TTK: variants seen among roughly 807,000 people sequenced by gnomAD.
The protein encoded by TTK is dual specificity protein kinase TTK.
TTK carries 59 observed loss-of-function variants against 117.3 expected under a neutral mutation model. The observed-to-expected ratio is 0.50, with a 90% CI of 0.41 to 0.62. The LOEUF is 0.62. Ranked by LOEUF, TTK falls within the 20% of genes least tolerant of loss-of-function variation. The pLI is 0.00. For missense variants in TTK, 921 were observed against 989.4 expected (o/e 0.93, Z 0.93); for synonymous variants, 302 against 325.0 (o/e 0.93, Z 0.76).
chr6:80,033,239 A>G (rs1767805652), intron 14 of TTK, among the ~76,000 whole-genome samples: 1 of 152,116 alleles, frequency 6.6e-6, no homozygotes, highest in Non-Finnish European at 1.5e-5. Flanking sequence ...GTCTTTCTGT[A>G]TTTAGCCTAT....
intron 21 of TTK, 83 bp from the exon 22 acceptor site, chr6:80,042,036 A>G: frequency 1.4e-6 from 1 of 695,080 alleles, no homozygotes; most frequent in Non-Finnish European, 2.3e-6. Flanking sequence ...TATTATATTT[A>G]GAATACATCA....
chr6:80,036,598 A>G lies in TTK; in HGVS notation c.2048A>G (p.Gln683Arg). The G allele has an allele frequency of 6.2e-7, 1 of 1,606,352 alleles. No homozygotes were observed. The highest frequency in any genetic ancestry group is 1.1e-5 in the South Asian group (1 of 89,506). The change falls in exon 17 of 22, where the codon CAG (glutamine) becomes CGG (arginine). Residue 683 changes from glutamine (Q) to arginine (R), a missense_variant and splice_region_variant. Gln to Arg is a conservative substitution (Grantham distance 43, BLOSUM62 1). Coordinates refer to ENST00000369798, the MANE Select transcript of TTK (RefSeq NM_003318.5). ...PDTTSVVKDS[Q>R]VGTVNYMPPE... Reference sequence around the variant, plus strand: ...ACAACAAGTGTTGTTAAAGATTCTCAGGTAAGACTTAATGTTGGTTCTCTC... The same window carrying G: ...ACAACAAGTGTTGTTAAAGATTCTCGGGTAAGACTTAATGTTGGTTCTCTC...
intron 10 of TTK, among the ~76,000 whole-genome samples, chr6:80,016,622 T>A (rs558339688): frequency 6.6e-6 from 1 of 152,294 alleles, no homozygotes; most frequent in East Asian, 1.9e-4. Flanking sequence ...TAGATATAAA[T>A]CATTTGTTGG....
chr6:80,011,616 A>G, intron 6 of TTK, 68 bp downstream of exon 6: 2 of 1,532,664 alleles, frequency 1.3e-6, no homozygotes, highest in Admixed American at 1.8e-5. Context: ...TTTTAATGTA[A>G]TTACATGTAT....
intron 8 of TTK, among the ~76,000 whole-genome samples, chr6:80,012,552 T>A (rs1767189292): frequency 6.6e-6 from 1 of 152,006 alleles, no homozygotes; most frequent in African/African-American, 2.4e-5. Flanking sequence ...AAAGGAGAGT[T>A]ATTTTGGCCT....
rs1286546879 is a variant in TTK, at chr6:80,039,741, T to C, written c.2176T>C (p.Tyr726His). 2 of 1,589,826 alleles carry C rather than the reference T, an allele frequency of 1.3e-6. No individual in the cohort carries two copies. Among genetic ancestry groups the C allele is most frequent in the Admixed American group, 3.5e-5 (2 of 56,532 alleles). ...DVWSLGCILY[Y>H]MTYGKTPFQQ... ...TTGGTCCTTAGGATGTATTTTGTAC[T>C]ATATGACTTACGGGAAAACACCATT... Residue 726 changes from tyrosine to histidine, a missense_variant, in exon 19 of 22, where the codon TAT becomes CAT. Coordinates refer to ENST00000369798, the MANE Select transcript of TTK (RefSeq NM_003318.5).
rs398048650 is a variant in TTK, at chr6:80,018,626, C to CAA, written c.1109-3677_1109-3676dup. On this transcript the variant is annotated intron_variant, in intron 10 of 21. Transcript: ENST00000369798. ...TGGGCAATAGAGCGAGACTCCGTCT[C>CAA]AAAAAAAAAAAAAAAAAAAAAATAT... Among the ~76,000 whole-genome samples the CAA allele has an allele frequency of 2.7e-3, 238 of 87,062 alleles. 1 individual carries two copies. Among genetic ancestry groups the CAA allele is most frequent in the Non-Finnish European group, 5.2e-3 (216 of 41,658 alleles). The allele number at this position is 87,062 out of a possible 152,430, so 57.1% of individuals were successfully genotyped here.
At position 80,014,617 on chromosome 6, in the gene TTK, G is replaced by A. The variant is rs762082193; in HGVS notation, c.1108+31G>A. 4 of 1,553,142 alleles carry A rather than the reference G, an allele frequency of 2.6e-6. No homozygotes were observed. In the South Asian group the frequency reaches 5.1e-5, roughly 20 times the overall value. On this transcript the variant is annotated intron_variant, in intron 10 of 21. Coordinates refer to ENST00000369798, the MANE Select transcript of TTK (RefSeq NM_003318.5). Reference sequence around the variant, plus strand: ...AGTAACAAAATCAGTAGACTTGTATGTTTAGTTAAGAAAACCACTTGATAG... The same window carrying A: ...AGTAACAAAATCAGTAGACTTGTATATTTAGTTAAGAAAACCACTTGATAG...
rs923040563 is a variant in TTK, at chr6:80,007,911, A to T, written c.242A>T (p.Asp81Val). Reference protein sequence around the residue: ...KLEKNSVPLSDALLNKLIGRY... With the variant: ...KLEKNSVPLSVALLNKLIGRY... ...GAGAAAAACAGTGTTCCGCTAAGTG[A>T]TGCTCTTTTAAATAAATTGATTGGT... Residue 81 changes from aspartate to valine, a missense_variant, in exon 3 of 22, where the codon GAT becomes GTT. By Grantham distance (152) the Asp-to-Val change is radical. Transcript: ENST00000369798. 1 of 1,613,512 alleles carries T rather than the reference A, an allele frequency of 6.2e-7. No individual in the cohort carries two copies. Among genetic ancestry groups the T allele is most frequent in the African/African-American group, 1.3e-5 (1 of 74,894 alleles).
At position 80,028,021 on chromosome 6, in the gene TTK, G is replaced by A. The variant is rs145273230; in HGVS notation, c.1521+10G>A. On this transcript the variant is annotated intron_variant, in intron 13 of 21. Transcript: ENST00000369798. ...ACTTCAAAATTTACAGGTTCGATAA[G>A]CTTTATATATGATGGTATATGTTAA... The A allele has an allele frequency of 1.9e-6, 3 of 1,588,738 alleles. No individual in the cohort carries two copies. The highest frequency in any genetic ancestry group is 4.6e-5 in the East Asian group (2 of 43,804).
At chr6:80,006,089 C>T (rs1766987234) in intron 2 of TTK, 107 bp downstream of exon 2, 2 of 1,419,496 alleles carry the variant, frequency 1.4e-6, no homozygotes, top group African/African-American at 1.4e-5. Context: ...TGTTTATTGT[C>T]TTTCTCCTCC....
chr6:80,017,365 C>A (rs1356727009), intron 10 of TTK, among the ~76,000 whole-genome samples: 1 of 152,146 alleles, frequency 6.6e-6, no homozygotes, highest in Non-Finnish European at 1.5e-5. Context: ...GCAACCTCCG[C>A]CTCCTGGGCA....
Position 80,006,057 on chromosome 6 carries a change from CTTTA to C in TTK, c.139+81_139+84del, listed in dbSNP as rs781222884. ...TAAGGTAAAGATATAGTACTAATCACTTTATTTATAATTTACTCATGTGTTTATT... is the reference window on the plus strand; with the variant it reads ...TAAGGTAAAGATATAGTACTAATCACTTTATAATTTACTCATGTGTTTATT... On this transcript the variant is annotated intron_variant, in intron 2 of 21. Coordinates refer to ENST00000369798, the MANE Select transcript of TTK (RefSeq NM_003318.5). The C allele has an allele frequency of 5.9e-6, 9 of 1,519,872 alleles. No individual in the cohort carries two copies. The South Asian group carries it at 7.1e-5, about 12-fold the overall frequency. 94.1% of individuals were successfully genotyped at this position (1,519,872 alleles called of 1,614,324 possible). A position where few individuals can be genotyped will look rare whatever the true frequency, so the allele number is the denominator to read the frequency against.
Position 80,037,976 on chromosome 6 carries a change from G to A in TTK, c.2059G>A (p.Val687Ile), listed in dbSNP as rs749303494. The A allele has an allele frequency of 1.2e-6, 2 of 1,607,486 alleles. No individual in the cohort carries two copies. Among genetic ancestry groups the A allele is most frequent in the East Asian group, 2.2e-5 (1 of 44,664 alleles). ...CTGACTTGGCATATAGGTTGGCACA[G>A]TTAATTATATGCCACCAGAAGCAAT... ...SVVKDSQVGT[V>I]NYMPPEAIKD... is the part of the protein sequence containing the mutation. The change falls in exon 18 of 22, where the codon GTT becomes ATT. Residue 687 changes from valine to isoleucine, a missense_variant. Transcript: ENST00000369798.
chr6:80,041,028 A>G (rs1216050918), intron 21 of TTK, among the ~76,000 whole-genome samples: 2 of 151,720 alleles, frequency 1.3e-5, no homozygotes, highest in African/African-American at 2.4e-5. Context: ...CAGCTTTTGA[A>G]TTCATTCCTT....
chr6:80,033,425 A>G (rs1336016520), intron 14 of TTK, among the ~76,000 whole-genome samples: 1 of 151,930 alleles, frequency 6.6e-6, no homozygotes, highest in African/African-American at 2.4e-5. Context: ...ACCTTCTAAC[A>G]TGTTCTGTAA....
intron 11 of TTK, 122 bp from the exon 12 acceptor site, chr6:80,026,252 CTCTT>C: frequency 2.1e-6 from 2 of 965,352 alleles, no homozygotes; most frequent in South Asian, 4.0e-5. Context: ...ATATGCCTAT[CTCTT>C]TTAGTATGCC....
At chr6:80,027,435 G>A (rs1483758114) in intron 12 of TTK, among the ~76,000 whole-genome samples, 1 of 152,070 alleles carries the variant, frequency 6.6e-6, no homozygotes, top group Non-Finnish European at 1.5e-5. Context: ...TATATTAATA[G>A]CAAAAAGGCA....
At chr6:80,035,926 A>G (rs1767895777) in intron 16 of TTK, among the ~76,000 whole-genome samples, 1 of 151,924 alleles carries the variant, frequency 6.6e-6, no homozygotes, top group South Asian at 2.1e-4. Flanking sequence ...TGTTCTTAAT[A>G]ACTGTTATCC....
Sources: gnomAD v4.1 joint callset for allele counts (sites outside exome capture counted in the v4.1 genomes callset) on GRCh38, gnomAD v4.1.1 for gene constraint, MANE v1.5 for transcripts, NCBI Gene and HGNC (gene_info 2026-07-23, HGNC 2026-07-21) for gene names.